EPS8: variants seen among roughly 807,000 people sequenced by gnomAD.
The protein encoded by EPS8 is epidermal growth factor receptor kinase substrate 8.
A neutral mutation model predicts 103.8 loss-of-function variants in EPS8; 42 were observed. That is an observed-to-expected ratio of 0.40 (90% CI 0.32 to 0.52). The LOEUF is 0.52. Ranked by LOEUF, EPS8 falls within the 20% of genes least tolerant of loss-of-function variation. The pLI, the probability that EPS8 is intolerant of heterozygous loss-of-function variation, is 0.40. For missense variants in EPS8, 969 were observed against 1,005.1 expected (o/e 0.96, Z 0.49); for synonymous variants, 344 against 344.6 (o/e 1.00, Z 0.02).
chr12:15,741,548 G>T (rs1946823036), intron 1 of EPS8, among the ~76,000 whole-genome samples: 1 of 152,146 alleles, frequency 6.6e-6, no homozygotes, highest in African/African-American at 2.4e-5. Flanking sequence ...TATCGAGCCT[G>T]CCCCTGTCCC....
Position 15,759,486 on chromosome 12 carries a change from C to G in EPS8, c.-22+29675G>C, listed in dbSNP as rs1414607447. 6.6e-6 allele frequency among the ~76,000 whole-genome samples: 1 copy of G among 152,086 alleles called. No individual in the cohort carries two copies. Among genetic ancestry groups the G allele is most frequent in the Non-Finnish European group, 1.5e-5 (1 of 67,948 alleles). ...TTATACACTAAAAAGTCTTCAGTCT[C>G]TTAAACTTCAGTAGGAAAAACAGAA... is the stretch of plus-strand genomic sequence containing the variant. On this transcript the variant is annotated intron_variant, in intron 1 of 20. Transcript: ENST00000281172. This position sits in a 1 kb window ranked among gnomAD's most constrained non-coding sequence, Gnocchi z 4.9.
Position 15,620,734 on chromosome 12 carries a change from T to C in EPS8, c.*583A>G, listed in dbSNP as rs1306615091. On this transcript the variant is annotated 3_prime_UTR_variant, in exon 21 of 21. Coordinates refer to ENST00000281172, the MANE Select transcript of EPS8 (RefSeq NM_004447.6). ...GACAAACTCTCTTGAGAATGCTCCA[T>C]AGATTTATATTTGCATGTCCAAGGT... 5 of 152,514 alleles carry C rather than the reference T, an allele frequency of 3.3e-5. No homozygotes were observed. The highest frequency in any genetic ancestry group is 6.5e-5 in the Admixed American group (1 of 15,288). 9.4% of individuals were successfully genotyped at this position (152,514 alleles called of 1,614,324 possible).
At position 15,779,685 on chromosome 12, in the gene EPS8, T is replaced by C. The variant is rs1947240768; in HGVS notation, c.-22+9476A>G. On this transcript the variant is annotated intron_variant, in intron 1 of 20. Transcript: ENST00000281172. The surrounding 1 kb of genome is among the most constrained non-coding windows in gnomAD (Gnocchi z 4.3). ...ACTTGAAAAATGTTTCTCCCTCATT[T>C]AAGTACAAACTTCTCTTCCTTCTAT... is the stretch of plus-strand genomic sequence containing the variant. Among the ~76,000 whole-genome samples, 1 of 152,204 alleles carries C rather than the reference T, an allele frequency of 6.6e-6. No individual in the cohort carries two copies. The highest frequency in any genetic ancestry group is 6.5e-5 in the Admixed American group (1 of 15,282).
chr12:15,680,561 C>A (rs551193357), intron 3 of EPS8, among the ~76,000 whole-genome samples: 1 of 152,228 alleles, frequency 6.6e-6, no homozygotes, highest in East Asian at 1.9e-4. Context: ...GTTCCAGAGT[C>A]TTTGCTATTA....
At position 15,748,140 on chromosome 12, in the gene EPS8, T is replaced by C. The variant is rs1946894789; in HGVS notation, c.-22+41021A>G. ...CAACTTAATAACCCACAGTCAAATCTCAGAGCCTCTTATCCTCAGATTCCT... is the reference window on the plus strand; with the variant it reads ...CAACTTAATAACCCACAGTCAAATCCCAGAGCCTCTTATCCTCAGATTCCT... On this transcript the variant is annotated intron_variant, in intron 1 of 20. Transcript: ENST00000281172. This position sits in a 1 kb window ranked among gnomAD's most constrained non-coding sequence, Gnocchi z 4.8. Among the ~76,000 whole-genome samples the C allele has an allele frequency of 6.6e-6, 1 of 152,120 alleles. No homozygotes were observed. The highest frequency in any genetic ancestry group is 1.5e-5 in the Non-Finnish European group (1 of 68,022).
Position 15,654,263 on chromosome 12 carries a change from C to T in EPS8, c.1132G>A (p.Ala378Thr). 1 of 1,613,554 alleles carries T rather than the reference C, an allele frequency of 6.2e-7. No individual in the cohort carries two copies. Among genetic ancestry groups the T allele is most frequent in the Non-Finnish European group, 8.5e-7 (1 of 1,179,694 alleles). Residue 378 changes from alanine (A) to threonine (T), a missense_variant, in exon 13 of 21, where the codon GCC (alanine) becomes ACC (threonine). Ala to Thr is a moderately conservative substitution (Grantham distance 58). Transcript: ENST00000281172. ...VVQATGGPEL[A>T]SSVLSPLLNK... is the part of the protein sequence containing the mutation. ...AATAGGGGACTAAGTACTGAACTGGCTAGTTCAGGACCTCCTGTTGCCTGC... is the reference window on the plus strand; with the variant it reads ...AATAGGGGACTAAGTACTGAACTGGTTAGTTCAGGACCTCCTGTTGCCTGC...
At chr12:15,740,968 A>T (rs1280602425) in intron 1 of EPS8, among the ~76,000 whole-genome samples, 1 of 152,230 alleles carries the variant, frequency 6.6e-6, no homozygotes, top group African/African-American at 2.4e-5. Flanking sequence ...CCAAAGCAGC[A>T]GCAGCCAAGA....
rs144954040 is a variant in EPS8 at position 15,751,593 on chromosome 12, C to T, written c.-22+37568G>A. Reference sequence around the variant, plus strand: ...TTTAATGGACAGATTCAATACTGGGCAGTTTCAGACACTAGGGACATAGCA... The same window carrying T: ...TTTAATGGACAGATTCAATACTGGGTAGTTTCAGACACTAGGGACATAGCA... On this transcript the variant is annotated intron_variant, in intron 1 of 20. Transcript: ENST00000281172. This position sits in a 1 kb window ranked among gnomAD's most constrained non-coding sequence, Gnocchi z 4.3. Among the ~76,000 whole-genome samples the T allele has an allele frequency of 2.4e-4, 37 of 152,178 alleles. No homozygotes were observed. Among genetic ancestry groups the T allele is most frequent in the South Asian group, 8.3e-4 (4 of 4,824 alleles).
At chr12:15,628,218 T>C (rs1944983015) in intron 18 of EPS8, among the ~76,000 whole-genome samples, 1 of 152,078 alleles carries the variant, frequency 6.6e-6, no homozygotes, top group South Asian at 2.1e-4. Context: ...CAACAAACTG[T>C]CAAACAGCAT....
At chr12:15,629,978 T>C (rs967370221) in intron 18 of EPS8, among the ~76,000 whole-genome samples, 4 of 152,202 alleles carry the variant, frequency 2.6e-5, no homozygotes, top group African/African-American at 9.7e-5. Context: ...AAGTTAATAG[T>C]TCCATACTGG....
Position 15,681,113 on chromosome 12 carries a change from C to T in EPS8, c.136+113G>A, listed in dbSNP as rs1945997298. The T allele has an allele frequency of 7.1e-6, 3 of 422,248 alleles. No individual in the cohort carries two copies. In the Admixed American group the frequency reaches 9.8e-5, roughly 14 times the overall value. 26.2% of individuals were successfully genotyped at this position (422,248 alleles called of 1,614,324 possible). ...TAAAATAATCCTTATTTAGCTATCA[C>T]TGCCTCATTCCAAACAATATTAAAT... On this transcript the variant is annotated intron_variant, in intron 3 of 20. Transcript: ENST00000281172.
rs1947161854 is a variant in EPS8 at position 15,772,154 on chromosome 12, T to C, written c.-22+17007A>G. ...AAAAGATTTAATGACTGTTGACATA[T>C]AGGTGGGGCAGAAAGGTGGGTAAGA... On this transcript the variant is annotated intron_variant, in intron 1 of 20. Coordinates refer to ENST00000281172, the MANE Select transcript of EPS8 (RefSeq NM_004447.6). The surrounding 1 kb of genome is among the most constrained non-coding windows in gnomAD (Gnocchi z 5.0). 6.6e-6 allele frequency among the ~76,000 whole-genome samples: 1 copy of C among 151,892 alleles called. No homozygotes were observed. The highest frequency in any genetic ancestry group is 2.1e-4 in the South Asian group (1 of 4,812).
intron 16 of EPS8, among the ~76,000 whole-genome samples, chr12:15,641,402 G>A (rs1945227054): frequency 6.6e-6 from 1 of 151,794 alleles, no homozygotes; most frequent in Non-Finnish European, 1.5e-5. Flanking sequence ...ACTATTATGT[G>A]CATCCACATC....
At position 15,757,395 on chromosome 12, in the gene EPS8, C is replaced by G. The variant is rs1422581241; in HGVS notation, c.-22+31766G>C. On this transcript the variant is annotated intron_variant, in intron 1 of 20. Transcript: ENST00000281172. This position sits in a 1 kb window ranked among gnomAD's most constrained non-coding sequence, Gnocchi z 4.1. The stretch of plus-strand genomic sequence containing the variant: ...CCTGGAATCCCAGAACTTTGGGAGG[C>G]TGAGGTGGGCAGATCACAAAGTCAG... Among the ~76,000 whole-genome samples the G allele has an allele frequency of 6.6e-6, 1 of 152,100 alleles. No individual in the cohort carries two copies. Among genetic ancestry groups the G allele is most frequent in the African/African-American group, 2.4e-5 (1 of 41,412 alleles).
At chr12:15,678,875 A>G (rs1170543002) in intron 3 of EPS8, among the ~76,000 whole-genome samples, 4 of 147,148 alleles carry the variant, frequency 2.7e-5, no homozygotes, top group Non-Finnish European at 5.9e-5. Flanking sequence ...GATTGCACCA[A>G]TGCACTCTAG....
intron 10 of EPS8, among the ~76,000 whole-genome samples, chr12:15,658,905 A>G (rs1043897583): frequency 2.1e-4 from 32 of 152,210 alleles, no homozygotes; most frequent in African/African-American, 7.7e-4. Context: ...AATAAAATAC[A>G]TGAATCAGAT....
chr12:15,677,632 T>C (rs1470327034), intron 3 of EPS8, among the ~76,000 whole-genome samples: 4 of 152,250 alleles, frequency 2.6e-5, no homozygotes, highest in Admixed American at 6.5e-5. Context: ...TTACATAAGA[T>C]GCATCAACTG....
intron 1 of EPS8, among the ~76,000 whole-genome samples, chr12:15,699,605 T>C (rs1038769939): frequency 6.6e-6 from 1 of 152,328 alleles, no homozygotes; most frequent in Admixed American, 6.5e-5. Context: ...TTAAACAATG[T>C]TACCAACTAT....
chr12:15,692,493 A>G (rs997258661), intron 1 of EPS8, among the ~76,000 whole-genome samples: 20 of 151,902 alleles, frequency 1.3e-4, no homozygotes, highest in African/African-American at 4.6e-4. Flanking sequence ...TGATGTTCTG[A>G]AATGTTATGG....
Sources: gnomAD v4.1 joint callset for allele counts (sites outside exome capture counted in the v4.1 genomes callset) on GRCh38, gnomAD v4.1.1 for gene constraint, Gnocchi (gnomAD v3.1) non-coding constraint, MANE v1.5 for transcripts, NCBI Gene and HGNC (gene_info 2026-07-23, HGNC 2026-07-21) for gene names.